EFR3B: variants seen among roughly 807,000 people sequenced by gnomAD.
EFR3B encodes protein EFR3 homolog B.
Under a neutral mutation model 104.7 loss-of-function variants are expected in EFR3B, and 64 were observed. That is an observed-to-expected ratio of 0.61 (90% confidence interval 0.50 to 0.75). The LOEUF is 0.75. EFR3B is among the 30% of genes least tolerant of loss of function. The pLI, the probability that EFR3B is intolerant of heterozygous loss-of-function variation, is 0.00. For missense variants in EFR3B, 750 were observed against 1,078.5 expected, an observed-to-expected ratio of 0.70 and a Z score of 4.27; for synonymous variants, 385 against 417.9, an observed-to-expected ratio of 0.92 and a Z score of 0.96.
intron 1 of EFR3B, among the ~76,000 whole-genome samples, chr2:25,049,405 G>A (rs543772622): frequency 6.6e-6 from 1 of 152,316 alleles, no homozygotes; most frequent in East Asian, 1.9e-4. Context: ...TAGCAGCTAT[G>A]TATGATACTA....
At chr2:25,080,178 C>T in intron 1 of EFR3B, 15 of 1,530,452 alleles carry the variant, frequency 9.8e-6, no homozygotes, top group Non-Finnish European at 1.3e-5. Context: ...TCAGAATAGC[C>T]AGTACCTTTT....
At chr2:25,113,896 C>T (rs1669791916) in intron 4 of EFR3B, among the ~76,000 whole-genome samples, 1 of 152,050 alleles carries the variant, frequency 6.6e-6, no homozygotes. Flanking sequence ...GACAGGGAAA[C>T]TGAGGCACAA....
chr2:25,072,023 C>T (rs760549777), intron 1 of EFR3B, among the ~76,000 whole-genome samples: 6 of 152,254 alleles, frequency 3.9e-5, no homozygotes, highest in Non-Finnish European at 8.8e-5. Flanking sequence ...TCTCGCACAT[C>T]ACCCTGGTGG....
At position 25,136,647 on chromosome 2, in the gene EFR3B, C is replaced by T; in HGVS notation, c.1560+49C>T. On this transcript the variant is annotated intron_variant, in intron 14 of 22. Coordinates refer to ENST00000403714, the MANE Select transcript of EFR3B (RefSeq NM_014971.2). This position sits in a 1 kb window ranked among gnomAD's most constrained non-coding sequence, Gnocchi z 4.0. ...ACAGTGAAGGGCGGGCACGGTGGCTCACGCCTGCAATCCCAGCACTTTGGG... is the reference window on the plus strand; with the variant it reads ...ACAGTGAAGGGCGGGCACGGTGGCTTACGCCTGCAATCCCAGCACTTTGGG... 1.3e-6 allele frequency: 2 copies of T among 1,496,368 alleles called. No homozygotes were observed. Among genetic ancestry groups the T allele is most frequent in the Non-Finnish European group, 1.8e-6 (2 of 1,098,792 alleles). The allele number at this position is 1,496,368 out of a possible 1,614,324, so 92.7% of individuals were successfully genotyped here.
At chr2:25,076,080 A>T (rs1326139124) in intron 1 of EFR3B, among the ~76,000 whole-genome samples, 2 of 151,148 alleles carry the variant, frequency 1.3e-5, no homozygotes, top group Non-Finnish European at 3.0e-5. Flanking sequence ...ATGTTTAGAG[A>T]TGAGGTCTCA....
rs115257284 is a variant in EFR3B, at chr2:25,159,100, G to C, written c.*4760G>C. 6.6e-6 allele frequency: 1 copy of C among 152,186 alleles called. No homozygotes were observed. The highest frequency in any genetic ancestry group is 1.5e-5 in the Non-Finnish European group (1 of 68,046). 9.4% of individuals were successfully genotyped at this position (152,186 alleles called of 1,614,324 possible). On this transcript the variant is annotated 3_prime_UTR_variant, in exon 23 of 23. Transcript: ENST00000403714. ...TCGCGATCTCCCAGTGAGCCATCAC[G>C]ATGCCCTTTTCAAATAAATGTTAAT...
At chr2:25,139,313 G>T in intron 16 of EFR3B, 123 bp downstream of exon 16, 2 of 1,214,612 alleles carry the variant, frequency 1.6e-6, no homozygotes, top group Non-Finnish European at 2.2e-6. Flanking sequence ...GTTGAAGTAA[G>T]AACCACTAAT....
intron 1 of EFR3B, among the ~76,000 whole-genome samples, chr2:25,053,448 G>A (rs756289624): frequency 3.3e-5 from 5 of 152,180 alleles, no homozygotes; most frequent in Non-Finnish European, 7.3e-5. Flanking sequence ...ACTGCAGAGT[G>A]GGGTGTCACC....
intron 1 of EFR3B, among the ~76,000 whole-genome samples, chr2:25,084,397 C>G (rs1205670215): frequency 6.6e-6 from 1 of 151,988 alleles, no homozygotes; most frequent in Admixed American, 6.6e-5. Flanking sequence ...CTGCCACGCC[C>G]TGCTAATTTT....
intron 4 of EFR3B, among the ~76,000 whole-genome samples, 190 bp downstream of exon 4, chr2:25,103,977 C>T (rs1430311155): frequency 2.6e-5 from 4 of 151,264 alleles, no homozygotes; most frequent in Non-Finnish European, 4.4e-5. Flanking sequence ...TTAATTTAAA[C>T]AAATATATAA....
At chr2:25,084,305 C>T (rs1280451140) in intron 1 of EFR3B, among the ~76,000 whole-genome samples, 14 of 151,896 alleles carry the variant, frequency 9.2e-5, no homozygotes, top group South Asian at 6.2e-4. Context: ...GGTGCGATCT[C>T]GGCTCACTGC....
Position 25,130,562 on chromosome 2 carries a change from A to T in EFR3B, c.781A>T (p.Asn261Tyr), listed in dbSNP as rs1030409089. 3.2e-6 allele frequency: 5 copies of T among 1,551,608 alleles called. No homozygotes were observed. Among genetic ancestry groups the T allele is most frequent in the African/African-American group, 2.7e-5 (2 of 73,068 alleles). The change falls in exon 8 of 23, where the codon AAC becomes TAC. Residue 261 changes from asparagine (N) to tyrosine (Y), a missense_variant. Asn to Tyr is a moderately radical substitution (Grantham distance 143). Transcript: ENST00000403714. This position sits in a 1 kb window ranked among gnomAD's most constrained non-coding sequence, Gnocchi z 4.6. ...AIKPVLIHLD[N>Y]HSLWEPKVFA... Reference sequence around the variant, plus strand: ...TTTTCTCCCTCACAGCCATCTGGATAACCATTCTCTTTGGGAACCCAAGGT... The same window carrying T: ...TTTTCTCCCTCACAGCCATCTGGATTACCATTCTCTTTGGGAACCCAAGGT...
At chr2:25,147,288 T>G (rs1351181429) in intron 19 of EFR3B, 1 of 152,180 alleles carries the variant, frequency 6.6e-6, no homozygotes, top group East Asian at 1.9e-4. Context: ...GTGCTGACAG[T>G]GGATGAATGG....
At position 25,139,062 on chromosome 2, in the gene EFR3B, G is replaced by A. The variant is rs1270589286; in HGVS notation, c.1726G>A (p.Val576Met). 1.1e-5 allele frequency: 17 copies of A among 1,551,580 alleles called. No individual in the cohort carries two copies. Among genetic ancestry groups the A allele is most frequent in the Middle Eastern group, 1.7e-4 (1 of 6,014 alleles). The change falls in exon 16 of 23, where the codon GTG becomes ATG. Residue 576 changes from valine (V) to methionine (M), a missense_variant. Val to Met is a conservative substitution (Grantham distance 21). Coordinates refer to ENST00000403714, the MANE Select transcript of EFR3B (RefSeq NM_014971.2). The stretch of plus-strand genomic sequence containing the variant: ...GGCCTTGTCTATGTTGCCGCAGGAC[G>A]TGGCCCAAGTCAATGAGGAGAACTT... Reference protein sequence around the residue: ...LIRLVLAVQDVAQVNEENLPV... With the variant: ...LIRLVLAVQDMAQVNEENLPV...
chr2:25,143,307 G>T (rs1439388073), intron 17 of EFR3B, among the ~76,000 whole-genome samples: 1 of 152,074 alleles, frequency 6.6e-6, no homozygotes, highest in Non-Finnish European at 1.5e-5. Context: ...ATGGGACTGG[G>T]GGTGACTGTT....
At chr2:25,045,917 G>A (rs1667703631) in intron 1 of EFR3B, among the ~76,000 whole-genome samples, 1 of 152,140 alleles carries the variant, frequency 6.6e-6, no homozygotes, top group Non-Finnish European at 1.5e-5. Flanking sequence ...CAGCTAGGAG[G>A]GACGTTTGGA....
intron 1 of EFR3B, among the ~76,000 whole-genome samples, chr2:25,076,966 A>C (rs192884133): frequency 1.9e-3 from 289 of 152,100 alleles, no homozygotes; most frequent in Middle Eastern, 6.8e-3. Flanking sequence ...CTGTTTGGAA[A>C]CTCAAATCCT....
chr2:25,074,074 G>GA (rs1668567606), intron 1 of EFR3B, among the ~76,000 whole-genome samples: 1 of 152,136 alleles, frequency 6.6e-6, no homozygotes, highest in Non-Finnish European at 1.5e-5. Context: ...CAGTGGGGGG[G>GA]ACTCATAATG....
chr2:25,151,665 C>A (rs1033330380), intron 20 of EFR3B, among the ~76,000 whole-genome samples: 1 of 152,222 alleles, frequency 6.6e-6, no homozygotes, highest in African/African-American at 2.4e-5. Flanking sequence ...GTAAGAGCCC[C>A]GCTGAAAGGG....
Sources: gnomAD v4.1 joint callset for allele counts (sites outside exome capture counted in the v4.1 genomes callset) on GRCh38, gnomAD v4.1.1 for gene constraint, Gnocchi (gnomAD v3.1) non-coding constraint, MANE v1.5 for transcripts, NCBI Gene and HGNC (gene_info 2026-07-23, HGNC 2026-07-21) for gene names.